Variants in ADAMTS7 observed in about 807,000 individuals in gnomAD.
The protein encoded by ADAMTS7 is A disintegrin and metalloproteinase with thrombospondin motifs 7.
Under a neutral mutation model 172.6 loss-of-function variants are expected in ADAMTS7, and 89 were observed. That is an observed-to-expected ratio of 0.52 (90% CI 0.43 to 0.61). The LOEUF is 0.61. Ranked by LOEUF, ADAMTS7 falls within the 20% of genes least tolerant of loss-of-function variation. The probability of loss-of-function intolerance (pLI) is 0.00; values close to 1 mark genes in which losing one functional copy is unlikely to be tolerated. For missense variants in ADAMTS7, 1,973 were observed against 2,355.6 expected, an observed-to-expected ratio of 0.84 and a Z score of 3.36; for synonymous variants, 885 against 978.4, an observed-to-expected ratio of 0.90 and a Z score of 1.78.
intron 8 of ADAMTS7, among the ~76,000 whole-genome samples, chr15:78,780,126 C>T (rs1192234709): frequency 1.4e-5 from 2 of 144,814 alleles, no homozygotes; most frequent in Admixed American, 6.9e-5. Flanking sequence ...AAAAATCACA[C>T]AGGCGGCCGG....
intron 2 of ADAMTS7, among the ~76,000 whole-genome samples, chr15:78,799,265 T>C (rs1462261085): frequency 7.2e-6 from 1 of 138,328 alleles, no homozygotes; most frequent in African/African-American, 2.5e-5. Flanking sequence ...CAGTGGACGC[T>C]GAGAGTGTGC....
rs3825814 is a variant in ADAMTS7, at chr15:78,771,406, T to C, written c.2377-103A>G. On this transcript the variant is annotated intron_variant, in intron 15 of 23. Coordinates refer to ENST00000388820, the MANE Select transcript of ADAMTS7 (RefSeq NM_014272.5). The surrounding 1 kb of genome is among the most constrained non-coding windows in gnomAD (Gnocchi z 4.9). ...ACCTCTGTGAACTGCAGCTACAAGA[T>C]TGGGCCATTTTAAAGATGGGGAAAC... 52 of 1,575,420 alleles carry C rather than the reference T, an allele frequency of 3.3e-5. No individual in the cohort carries two copies. The highest frequency in any genetic ancestry group is 1.0e-4 in the South Asian group (9 of 87,508).
chr15:78,808,097 C>T (rs1442128735), intron 1 of ADAMTS7, among the ~76,000 whole-genome samples: 1 of 152,188 alleles, frequency 6.6e-6, no homozygotes, highest in Non-Finnish European at 1.5e-5. Flanking sequence ...CTCAAACGAT[C>T]TGCCTACCTT....
At chr15:78,789,630 C>T (rs2055550352) in intron 7 of ADAMTS7, 59 bp downstream of exon 7, 7 of 1,598,174 alleles carry the variant, frequency 4.4e-6, no homozygotes, top group African/African-American at 1.3e-5. Context: ...TACCCGGTGC[C>T]CCCAGGCTGC....
chr15:78,782,003 C>T (rs1371454967), intron 8 of ADAMTS7, among the ~76,000 whole-genome samples: 1 of 151,990 alleles, frequency 6.6e-6, no homozygotes, highest in Non-Finnish European at 1.5e-5. Flanking sequence ...ACTTGTCTGC[C>T]AACACAGGTA....
intron 16 of ADAMTS7, among the ~76,000 whole-genome samples, chr15:78,770,142 A>G (rs1459593932): frequency 1.3e-5 from 2 of 152,140 alleles, no homozygotes; most frequent in Non-Finnish European, 2.9e-5. Flanking sequence ...CAGCCTGGGC[A>G]ACAGAGTGAG....
rs1289647034 is a variant in ADAMTS7 at position 78,765,879 on chromosome 15, G to A, written c.4032C>T (p.Leu1344=). Residue 1344 remains leucine (L), a synonymous_variant, in exon 19 of 24, where the codon CTC becomes CTT. Coordinates refer to ENST00000388820, the MANE Select transcript of ADAMTS7 (RefSeq NM_014272.5). ...TCAGGGCAGGCTCAGGCATGTGCCC[G>A]AGGCCAGTCAGGGTTGTGGGGAGGA... ...GTFLPTTLTG[L]GHMPEPALNP... is the part of the protein sequence containing the mutation. The A allele has an allele frequency of 1.1e-5, 17 of 1,571,276 alleles. No individual in the cohort carries two copies. The highest frequency in any genetic ancestry group is 4.7e-4 in the Middle Eastern group (2 of 4,294).
In ADAMTS7 at chr15:78,773,079, A is replaced by C; in HGVS notation, c.2131+4T>G. 6.7e-7 allele frequency: 1 copy of C among 1,489,052 alleles called. No homozygotes were observed. The allele number at this position is 1,489,052 out of a possible 1,614,324, so 92.2% of individuals were successfully genotyped here. On this transcript the variant is annotated splice_donor_region_variant and intron_variant, in intron 14 of 23. Coordinates refer to ENST00000388820, the MANE Select transcript of ADAMTS7 (RefSeq NM_014272.5). The stretch of plus-strand genomic sequence containing the variant: ...CCCCTCCCCACAGCGGTCCCACCCC[A>C]TACCCAGGCCCTCGGCCTCCTCGAA...
rs2055333801 is a variant in ADAMTS7, at chr15:78,775,764, C to T, written c.1706+424G>A. 3.3e-5 allele frequency among the ~76,000 whole-genome samples: 5 copies of T among 152,312 alleles called. No individual in the cohort carries two copies. In the South Asian group the frequency reaches 1.0e-3, roughly 32 times the overall value. ...GCCTGGCCTGCATAAACTGCATTTG[C>T]CCCTGACTACAACTTTACTGGATGG... On this transcript the variant is annotated intron_variant, in intron 11 of 23. Transcript: ENST00000388820.
intron 23 of ADAMTS7, among the ~76,000 whole-genome samples, chr15:78,761,139 G>A (rs987118655): frequency 1.6e-4 from 24 of 152,362 alleles, no homozygotes; most frequent in Middle Eastern, 3.4e-3. Flanking sequence ...TGGGCCTTGA[G>A]GTTTGAGGCA....
intron 4 of ADAMTS7, among the ~76,000 whole-genome samples, chr15:78,795,614 C>A (rs893731682): frequency 2.0e-5 from 3 of 152,176 alleles, no homozygotes; most frequent in African/African-American, 7.2e-5. Context: ...AGCATAGGAT[C>A]CTGGCCCCAG....
At chr15:78,796,555 T>G in intron 4 of ADAMTS7, 35 bp downstream of exon 4, 1 of 1,135,424 alleles carries the variant, frequency 8.8e-7, no homozygotes, top group Non-Finnish European at 1.3e-6. Flanking sequence ...CCCAACACCA[T>G]CCCCGCCACC....
At chr15:78,802,906 A>G (rs2055744292) in intron 1 of ADAMTS7, among the ~76,000 whole-genome samples, 1 of 152,148 alleles carries the variant, frequency 6.6e-6, no homozygotes, top group African/African-American at 2.4e-5. Context: ...CTGAGGCTGG[A>G]GAATCACTTG....
rs1483160587 is a variant in ADAMTS7 at position 78,787,738 on chromosome 15, G to A, written c.1322+493C>T. 3.9e-5 allele frequency among the ~76,000 whole-genome samples: 6 copies of A among 152,050 alleles called. No homozygotes were observed. The East Asian group carries it at 5.8e-4, about 15-fold the overall frequency. On this transcript the variant is annotated intron_variant, in intron 8 of 23. Transcript: ENST00000388820. ...ACATGAAAAAAAAGGAGAAAGCTTC[G>A]TATTTCAGTTCCCTTAATGGCCCCT...
In ADAMTS7 at chr15:78,796,525, C is replaced by T. The variant is rs553861927; in HGVS notation, c.819+65G>A. 31 of 1,546,284 alleles carry T rather than the reference C, an allele frequency of 2.0e-5. 1 individual carries two copies. The South Asian group carries it at 3.3e-4, about 17-fold the overall frequency. On this transcript the variant is annotated intron_variant, in intron 4 of 23. Transcript: ENST00000388820. ...GCCTGACAGCCTTCCTGCCCTGCAC[C>T]CACTCTTTGCACCCCACCCCCCAAC...
chr15:78,789,759 G>T lies in ADAMTS7; in HGVS notation c.1108C>A (p.Arg370Ser), dbSNP rs370498492. Reference protein sequence around the residue: ...SHVAGMCQPHRSCSINEDTGL... With the variant: ...SHVAGMCQPHSSCSINEDTGL... ...GTGTCCTCGTTGATGCTGCAGCTGC[G>T]GTGCGGCTGGCACATGCCCGCCACA... The change falls in exon 7 of 24, where the codon CGC (arginine) becomes AGC (serine). Residue 370 changes from arginine (R) to serine (S), a missense_variant. Coordinates refer to ENST00000388820, the MANE Select transcript of ADAMTS7 (RefSeq NM_014272.5). The T allele has an allele frequency of 6.2e-7, 1 of 1,610,690 alleles. No individual in the cohort carries two copies. Among genetic ancestry groups the T allele is most frequent in the Non-Finnish European group, 8.5e-7 (1 of 1,178,946 alleles).
rs376090557 is a variant in ADAMTS7, at chr15:78,771,814, C to T, written c.2147G>A (p.Gly716Glu). Residue 716 changes from glycine (G) to glutamate (E), a missense_variant, in exon 15 of 24, where the codon GGG becomes GAG. By Grantham distance (98) the Gly-to-Glu change is moderately conservative (BLOSUM62 -2). Coordinates refer to ENST00000388820, the MANE Select transcript of ADAMTS7 (RefSeq NM_014272.5). This position sits in a 1 kb window ranked among gnomAD's most constrained non-coding sequence, Gnocchi z 4.9. ...CTCGCGTGCGCCCGCTGGGATCAGC[C>T]CCACATCCACATACCCTGTCAGCCA... is the stretch of plus-strand genomic sequence containing the variant. Reference protein sequence around the residue: ...EAEGLGYVDVGLIPAGAREIR... With the variant: ...EAEGLGYVDVELIPAGAREIR... 6.2e-7 allele frequency: 1 copy of T among 1,611,448 alleles called. No homozygotes were observed. Among genetic ancestry groups the T allele is most frequent in the Admixed American group, 1.7e-5 (1 of 60,018 alleles).
chr15:78,809,639 C>G (rs1034420677), intron 1 of ADAMTS7, among the ~76,000 whole-genome samples: 1 of 152,184 alleles, frequency 6.6e-6, no homozygotes, highest in Non-Finnish European at 1.5e-5. Flanking sequence ...CGAGGTTGAC[C>G]GCACCCAACT....
chr15:78,795,328 G>C (rs2055629030), intron 4 of ADAMTS7, among the ~76,000 whole-genome samples: 1 of 152,234 alleles, frequency 6.6e-6, no homozygotes, highest in Non-Finnish European at 1.5e-5. Flanking sequence ...TCAAATGCCA[G>C]GCAGAAGGCT....
Sources: gnomAD v4.1 joint callset for allele counts (sites outside exome capture counted in the v4.1 genomes callset) on GRCh38, gnomAD v4.1.1 for gene constraint, Gnocchi (gnomAD v3.1) non-coding constraint, MANE v1.5 for transcripts, NCBI Gene and HGNC (gene_info 2026-07-23, HGNC 2026-07-21) for gene names.